Variants in METTL8 observed in about 807,000 individuals in gnomAD.
METTL8 encodes methyltransferase 8, tRNA N3-cytidine.
Under a neutral mutation model 48.7 loss-of-function variants are expected in METTL8, and 32 were observed. The observed-to-expected ratio is 0.66, with a 90% confidence interval of 0.50 to 0.88. METTL8 has a LOEUF of 0.88. Ranked by LOEUF, METTL8 falls within the 40% of genes least tolerant of loss-of-function variation. The pLI, the probability that METTL8 is intolerant of heterozygous loss-of-function variation, is 0.00. For missense variants in METTL8, 464 were observed against 474.4 expected, an observed-to-expected ratio of 0.98 and a Z score of 0.20; for synonymous variants, 136 against 157.1, an observed-to-expected ratio of 0.87 and a Z score of 1.01.
At chr2:171,380,884 AT>A (rs1452826393) in intron 2 of METTL8, among the ~76,000 whole-genome samples, 1 of 152,230 alleles carries the variant, frequency 6.6e-6, no homozygotes, top group African/African-American at 2.4e-5. Context: ...TCTTCACAGA[AT>A]TAGAAAAAAC....
upstream of METTL8, chr2:171,434,496 A>G (rs949345190): frequency 2.6e-6 from 4 of 1,521,064 alleles, no homozygotes; most frequent in African/African-American, 5.5e-5. Context: ...CGAAATTCGA[A>G]GGCAGCGGCG....
intron 3 of METTL8, among the ~76,000 whole-genome samples, chr2:171,349,369 T>G (rs961344830): frequency 5.9e-5 from 9 of 152,196 alleles, no homozygotes; most frequent in African/African-American, 2.2e-4. Context: ...TTTCGTTCTA[T>G]GAATCTGACT....
In METTL8 at chr2:171,367,593, G is replaced by A. The variant is rs568911763; in HGVS notation, c.144-7080C>T. Among the ~76,000 whole-genome samples, 7 of 152,258 alleles carry A rather than the reference G, an allele frequency of 4.6e-5. No homozygotes were observed. The South Asian group carries it at 6.2e-4, about 14-fold the overall frequency. On this transcript the variant is annotated intron_variant, in intron 2 of 9. Coordinates refer to ENST00000375258, the MANE Select transcript of METTL8 (RefSeq NM_001321154.2). ...TCAGATCTACAGGGTGAAAAAAAGA[G>A]ACCAGAAGTGGTAAATATGTGGGTA...
intron 2 of METTL8, among the ~76,000 whole-genome samples, chr2:171,368,658 C>A (rs1685968187): frequency 6.6e-6 from 1 of 151,582 alleles, no homozygotes; most frequent in African/African-American, 2.4e-5. Context: ...CCAATATTTT[C>A]CAAATTATCC....
chr2:171,406,600 C>T (rs922390244), intron 1 of METTL8, among the ~76,000 whole-genome samples: 4 of 152,246 alleles, frequency 2.6e-5, no homozygotes, highest in South Asian at 4.2e-4. Context: ...GAATTAGGGC[C>T]TCACTCCTAA....
chr2:171,358,797 C>T (rs977770798), intron 3 of METTL8, among the ~76,000 whole-genome samples: 1 of 152,092 alleles, frequency 6.6e-6, no homozygotes, highest in Non-Finnish European at 1.5e-5. Context: ...AAAGCACAAG[C>T]AACCAAAGCG....
upstream of METTL8, chr2:171,434,381 C>A: frequency 2.2e-6 from 2 of 916,070 alleles, no homozygotes; most frequent in Admixed American, 2.0e-5. Context: ...TCTCCGCGCT[C>A]TGGCGGTGCA....
chr2:171,430,954 C>T (rs1692948910), intron 1 of METTL8, among the ~76,000 whole-genome samples: 1 of 152,154 alleles, frequency 6.6e-6, no homozygotes, highest in Non-Finnish European at 1.5e-5. Context: ...TGCATACTCA[C>T]AAACCAATCA....
At chr2:171,385,459 A>C (rs1395921537) in intron 2 of METTL8, among the ~76,000 whole-genome samples, 1 of 152,208 alleles carries the variant, frequency 6.6e-6, no homozygotes, top group Non-Finnish European at 1.5e-5. Context: ...GGGAGAACAA[A>C]CCAGGTTTCG....
At chr2:171,363,333 TAGA>T (rs1274554224) in intron 2 of METTL8, among the ~76,000 whole-genome samples, 1 of 152,142 alleles carries the variant, frequency 6.6e-6, no homozygotes, top group African/African-American at 2.4e-5. Context: ...TTCTTTATTT[TAGA>T]AGAACTGGAT....
chr2:171,356,950 A>ATGTGTTTTTTTT (rs1202277226), intron 3 of METTL8, among the ~76,000 whole-genome samples: 1 of 4,746 alleles, frequency 2.1e-4, no homozygotes, highest in African/African-American at 2.9e-4. Context: ...TTCAAAGACA[A>ATGTGTTTTTTTT]TATTTTTTTT....
At chr2:171,348,883 C>T (rs1683578827) in intron 3 of METTL8, among the ~76,000 whole-genome samples, 1 of 151,918 alleles carries the variant, frequency 6.6e-6, no homozygotes. Flanking sequence ...GCAGAAAGTC[C>T]TATAGAGAGA....
At chr2:171,412,289 C>T (rs1690828996) in intron 1 of METTL8, among the ~76,000 whole-genome samples, 1 of 152,104 alleles carries the variant, frequency 6.6e-6, no homozygotes. Flanking sequence ...GCAGCAGTCC[C>T]AAGCATCACA....
At chr2:171,334,639 A>G (rs1685893930) in intron 5 of METTL8, among the ~76,000 whole-genome samples, 1 of 152,188 alleles carries the variant, frequency 6.6e-6, no homozygotes, top group South Asian at 2.1e-4. Flanking sequence ...AAGGCTAATC[A>G]CTGGTTGCCT....
At chr2:171,412,727 A>G (rs1284572257) in intron 1 of METTL8, among the ~76,000 whole-genome samples, 1 of 137,802 alleles carries the variant, frequency 7.3e-6, no homozygotes. Context: ...GGACTCACAG[A>G]AAAAAAAAAA....
intron 2 of METTL8, among the ~76,000 whole-genome samples, chr2:171,389,186 C>A (rs952280840): frequency 1.3e-5 from 2 of 152,110 alleles, no homozygotes; most frequent in African/African-American, 4.8e-5. Context: ...CACTAGTCAA[C>A]TTGTGAAATG....
At chr2:171,431,528 C>T in intron 1 of METTL8, among the ~76,000 whole-genome samples, 1 of 152,230 alleles carries the variant, frequency 6.6e-6, no homozygotes, top group East Asian at 1.9e-4. Flanking sequence ...AAAAATCCTG[C>T]ATCAAGAGCT....
chr2:171,329,695 T>G (rs1559048378), intron 7 of METTL8, among the ~76,000 whole-genome samples: 1 of 152,248 alleles, frequency 6.6e-6, no homozygotes, highest in Non-Finnish European at 1.5e-5. Context: ...AAAAGAACTG[T>G]AAAGGGTCCT....
intron 2 of METTL8, among the ~76,000 whole-genome samples, chr2:171,364,178 A>C (rs1412141906): frequency 6.6e-6 from 1 of 152,170 alleles, no homozygotes; most frequent in African/African-American, 2.4e-5. Flanking sequence ...GAAGATTCTA[A>C]GTGGTGAACT....
Sources: gnomAD v4.1 joint callset for allele counts (sites outside exome capture counted in the v4.1 genomes callset) on GRCh38, gnomAD v4.1.1 for gene constraint, MANE v1.5 for transcripts, NCBI Gene and HGNC (gene_info 2026-07-23, HGNC 2026-07-21) for gene names.